COG3: variants seen among roughly 807,000 people sequenced by gnomAD.
The protein encoded by COG3 is component of oligomeric golgi complex 3, also known as conserved oligomeric Golgi complex subunit 3.
Under a neutral mutation model 114.1 loss-of-function variants are expected in COG3, and 32 were observed. The observed-to-expected ratio is 0.28, with a 90% CI of 0.21 to 0.38. The LOEUF (loss-of-function observed/expected upper bound fraction) is 0.38. Among genes scored for constraint, COG3 ranks in the 10% least tolerant of loss-of-function variants. The pLI is 1.00. For missense variants in COG3, 813 were observed against 973.2 expected (o/e 0.84, Z 2.19); for synonymous variants, 352 against 365.7 (o/e 0.96, Z 0.43).
chr13:45,532,560 G>GTTTTTT (rs59023921), intron 22 of COG3, among the ~76,000 whole-genome samples: 1 of 82,498 alleles, frequency 1.2e-5, no homozygotes, highest in East Asian at 4.0e-4. Flanking sequence ...TCCTTCCATT[G>GTTTTTT]TTTTTTTTTT....
At chr13:45,477,130 G>A (rs1398532544) in intron 2 of COG3, among the ~76,000 whole-genome samples, 1 of 152,086 alleles carries the variant, frequency 6.6e-6, no homozygotes, top group African/African-American at 2.4e-5. Context: ...CAGGATTTTT[G>A]TGAGCGTTAA....
At chr13:45,516,413 C>T (rs1871548854) in intron 17 of COG3, 150 bp downstream of exon 17, 1 of 581,734 alleles carries the variant, frequency 1.7e-6, no homozygotes. Context: ...GCTGAGCTGT[C>T]ACCATGCTAA....
chr13:45,485,163 C>T (rs1360305060), intron 7 of COG3, among the ~76,000 whole-genome samples: 3 of 147,850 alleles, frequency 2.0e-5, no homozygotes, highest in South Asian at 2.2e-4. Context: ...CTCCTCACTT[C>T]CCAGTAGGGG....
At chr13:45,473,532 A>C (rs1885657897) in intron 1 of COG3, among the ~76,000 whole-genome samples, 1 of 152,208 alleles carries the variant, frequency 6.6e-6, no homozygotes, top group Non-Finnish European at 1.5e-5. Flanking sequence ...TATAGAACTA[A>C]ATTTTATTGC....
Position 45,519,073 on chromosome 13 carries a change from G to A in COG3, c.2133G>A (p.Gln711=). ...AGCAGACCAAGCTGTTTGTAGAACA[G>A]CTGGAGGAGTTCATGACAAAGGTAT... ...IQQQTKLFVE[Q]LEEFMTKVSA... is the part of the protein sequence containing the mutation. The change falls in exon 19 of 23, where the codon CAG becomes CAA. Residue 711 remains glutamine (Q), a synonymous_variant. Transcript: ENST00000349995. The A allele has an allele frequency of 1.9e-6, 3 of 1,614,168 alleles. No individual in the cohort carries two copies. The highest frequency in any genetic ancestry group is 2.5e-6 in the Non-Finnish European group (3 of 1,180,020).
At chr13:45,497,385 A>G (rs568381331) in intron 13 of COG3, among the ~76,000 whole-genome samples, 1 of 152,328 alleles carries the variant, frequency 6.6e-6, no homozygotes, top group African/African-American at 2.4e-5. Context: ...TAATATGATG[A>G]ACTCTTAGGT....
intron 1 of COG3, among the ~76,000 whole-genome samples, chr13:45,470,708 C>G (rs951659311): frequency 5.9e-5 from 9 of 152,180 alleles, no homozygotes; most frequent in Non-Finnish European, 1.3e-4. Context: ...GACTTATAAT[C>G]GTTTTTCTCA....
At chr13:45,507,840 TG>T (rs1870340769) in intron 14 of COG3, among the ~76,000 whole-genome samples, 1 of 147,548 alleles carries the variant, frequency 6.8e-6, no homozygotes, top group African/African-American at 2.5e-5. Context: ...GAGGCTGAGG[TG>T]GGTGGATCAC....
Position 45,489,262 on chromosome 13 carries a change from C to CAAAAAAAAAAAAA in COG3, c.925-1647_925-1635dup, listed in dbSNP as rs377551623. On this transcript the variant is annotated intron_variant, in intron 8 of 22. Coordinates refer to ENST00000349995, the MANE Select transcript of COG3 (RefSeq NM_031431.4). ...TTTTTGACAAAGTGAGACCCAGCCT[C>CAAAAAAAAAAAAA]AAAAAAAAAAAAAAAAAAGCCAACC... Among the ~76,000 whole-genome samples, 63 of 43,594 alleles carry CAAAAAAAAAAAAA rather than the reference C, an allele frequency of 1.4e-3. 13 individuals carry two copies. Among genetic ancestry groups the CAAAAAAAAAAAAA allele is most frequent in the Non-Finnish European group, 1.9e-3 (52 of 26,734 alleles). The allele number at this position is 43,594 out of a possible 152,430, so 28.6% of individuals were successfully genotyped here.
intron 20 of COG3, 81 bp from the exon 21 acceptor site, chr13:45,529,710 C>T (rs1323074058): frequency 4.0e-6 from 4 of 1,000,032 alleles, no homozygotes; most frequent in East Asian, 2.7e-5. Flanking sequence ...ATTTTTTTCT[C>T]CCTTTATTCC....
At chr13:45,486,339 C>CGGGAGATGGGAGACGGAGA (rs1555295083) in intron 7 of COG3, among the ~76,000 whole-genome samples, 156 bp from the exon 8 acceptor site, 1 of 55,214 alleles carries the variant, frequency 1.8e-5, no homozygotes, top group Admixed American at 1.7e-4. Context: ...AGACGGGAGA[C>CGGGAGATGGGAGACGGAGA]GGGAGAGGGA....
At chr13:45,525,113 G>C in intron 20 of COG3, 62 bp downstream of exon 20, 2 of 1,330,180 alleles carry the variant, frequency 1.5e-6, no homozygotes, top group Non-Finnish European at 2.1e-6. Context: ...CATTTATATA[G>C]TCCTTACTGT....
At position 45,503,275 on chromosome 13, in the gene COG3, A is replaced by G. The variant is rs1290487714; in HGVS notation, c.1520A>G (p.Lys507Arg). The G allele has an allele frequency of 1.7e-5, 27 of 1,602,214 alleles. No individual in the cohort carries two copies. Among genetic ancestry groups the G allele is most frequent in the East Asian group, 6.7e-5 (3 of 44,844 alleles). Residue 507 changes from lysine to arginine, a missense_variant, in exon 14 of 23, where the codon AAG becomes AGG. By Grantham distance (26) the Lys-to-Arg change is conservative. Transcript: ENST00000349995. ...QIAQSLKDEQ[K>R]KVPSEASFSD... ...GCACAGAGTTTGAAAGATGAACAGA[A>G]GAAGGTACCTTCAGAAGCTTCATTT...
In COG3 at chr13:45,510,205, C is replaced by T. The variant is rs139321259; in HGVS notation, c.1719+389C>T. ...AAGGAGTATGCATTTACCCTTACAC[C>T]GCAGAGATATTTTATATTGTAGGAC... is the stretch of plus-strand genomic sequence containing the variant. On this transcript the variant is annotated intron_variant, in intron 15 of 22. Coordinates refer to ENST00000349995, the MANE Select transcript of COG3 (RefSeq NM_031431.4). Among the ~76,000 whole-genome samples, 78 of 152,272 alleles carry T rather than the reference C, an allele frequency of 5.1e-4. No homozygotes were observed. In the East Asian group the frequency reaches 0.01, roughly 20 times the overall value.
intron 7 of COG3, among the ~76,000 whole-genome samples, chr13:45,484,876 G>A (rs1356845808): frequency 7.8e-6 from 1 of 128,280 alleles, no homozygotes; most frequent in African/African-American, 2.9e-5. Context: ...ATTTAACCCT[G>A]AGTGGACACA....
At chr13:45,493,667 A>G in intron 12 of COG3, 181 bp downstream of exon 12, 1 of 410,276 alleles carries the variant, frequency 2.4e-6, no homozygotes, top group Non-Finnish European at 4.3e-6. Flanking sequence ...AGACACAATC[A>G]GATAGGGAAA....
At chr13:45,516,323 A>C in intron 17 of COG3, 60 bp downstream of exon 17, 4 of 1,371,216 alleles carry the variant, frequency 2.9e-6, no homozygotes, top group Non-Finnish European at 2.9e-6. Flanking sequence ...ATGTGTCAGC[A>C]CAGGTTTTAG....
chr13:45,500,094 GTATATATATATATATA>G (rs3083326), intron 13 of COG3, among the ~76,000 whole-genome samples: 2,901 of 114,826 alleles, frequency 0.025, 63 homozygotes, highest in South Asian at 0.095. Flanking sequence ...GTGTGTGTGT[GTATATATATATATATA>G]TATATAAAAA....
intron 15 of COG3, 137 bp from the exon 16 acceptor site, chr13:45,511,628 G>T: frequency 1.6e-6 from 1 of 631,678 alleles, no homozygotes; most frequent in Non-Finnish European, 2.8e-6. Context: ...AGGAAACCAG[G>T]AAGAATAATA....
Sources: gnomAD v4.1 joint callset for allele counts (sites outside exome capture counted in the v4.1 genomes callset) on GRCh38, gnomAD v4.1.1 for gene constraint, MANE v1.5 for transcripts, NCBI Gene and HGNC (gene_info 2026-07-23, HGNC 2026-07-21) for gene names.